LEF1: variants seen among roughly 807,000 people sequenced by gnomAD.
LEF1 encodes the protein lymphoid enhancer binding factor 1.
In LEF1, 14 loss-of-function variants were observed where a neutral mutation model predicts 51.2. That is an observed-to-expected ratio of 0.27 (90% CI 0.18 to 0.43). The LOEUF (loss-of-function observed/expected upper bound fraction) is 0.43, where lower values mean the gene tolerates loss of function less well. LEF1 is among the 20% of genes least tolerant of loss of function. LEF1 has a pLI of 1.00. For missense variants in LEF1, 386 were observed against 512.0 expected, an observed-to-expected ratio of 0.75 and a Z score of 2.37; for synonymous variants, 185 against 183.2, an observed-to-expected ratio of 1.01 and a Z score of -0.08.
intron 8 of LEF1, among the ~76,000 whole-genome samples, chr4:108,076,891 G>C (rs1040586865): frequency 2.0e-5 from 3 of 151,946 alleles, no homozygotes; most frequent in Non-Finnish European, 4.4e-5. Flanking sequence ...GCCAGGTGTG[G>C]TGGTAGGCAA....
intron 11 of LEF1, among the ~76,000 whole-genome samples, chr4:108,056,880 A>C (rs1578286133): frequency 7.2e-6 from 1 of 138,152 alleles, no homozygotes; most frequent in African/African-American, 2.7e-5. Flanking sequence ...AGCACAAGGT[A>C]CCCCCAACTG....
intron 5 of LEF1, 117 bp downstream of exon 5, chr4:108,083,239 G>C (rs1386125636): frequency 1.7e-5 from 13 of 756,132 alleles, no homozygotes; most frequent in Admixed American, 2.0e-5. Context: ...CTTGCTTGTT[G>C]ATGTGAAATT....
chr4:108,110,561 T>C (rs1741465915), intron 3 of LEF1, among the ~76,000 whole-genome samples: 1 of 152,216 alleles, frequency 6.6e-6, no homozygotes, highest in South Asian at 2.1e-4. Context: ...TTTACTCTCC[T>C]AAGAATGGTA....
Position 108,167,849 on chromosome 4 carries a change from GGGA to G in LEF1, c.-85_-83del, listed in dbSNP as rs2110433801. The G allele has an allele frequency of 7.9e-7, 1 of 1,259,122 alleles. No individual in the cohort carries two copies. The highest frequency in any genetic ancestry group is 1.3e-5 in the South Asian group (1 of 76,248). The allele number at this position is 1,259,122 out of a possible 1,614,324, so 78.0% of individuals were successfully genotyped here. On this transcript the variant is annotated 5_prime_UTR_variant, in exon 1 of 12. Coordinates refer to ENST00000265165, the MANE Select transcript of LEF1 (RefSeq NM_016269.5). The surrounding 1 kb of genome is among the most constrained non-coding windows in gnomAD (Gnocchi z 5.7). The stretch of plus-strand genomic sequence containing the variant: ...AGACAGAGGGGTAACTCAAGGGTGG[GGGA>G]GGAAAGGAGAGTTGGAAGGGTTCGT...
intron 3 of LEF1, among the ~76,000 whole-genome samples, chr4:108,103,018 C>T (rs1340331661): frequency 6.6e-6 from 1 of 152,194 alleles, no homozygotes; most frequent in Non-Finnish European, 1.5e-5. Context: ...GAACTCAATC[C>T]TGTTTTCTTT....
intron 3 of LEF1, among the ~76,000 whole-genome samples, chr4:108,145,088 G>A (rs899544456): frequency 6.6e-6 from 1 of 152,160 alleles, no homozygotes; most frequent in Non-Finnish European, 1.5e-5. Context: ...ATCCACTGGG[G>A]TGCAGCAGGA....
At chr4:108,063,137 CT>C (rs1737810311) in intron 11 of LEF1, among the ~76,000 whole-genome samples, 1 of 152,102 alleles carries the variant, frequency 6.6e-6, no homozygotes, top group South Asian at 2.1e-4. Context: ...GCATATATAG[CT>C]TTCTGACTAG....
intron 3 of LEF1, among the ~76,000 whole-genome samples, chr4:108,150,467 T>C (rs193145703): frequency 8.6e-4 from 131 of 152,278 alleles, no homozygotes; most frequent in African/African-American, 2.9e-3. Context: ...AAGAATACAT[T>C]GAGCAATCAC....
At chr4:108,082,975 G>A (rs987399333) in intron 5 of LEF1, among the ~76,000 whole-genome samples, 1 of 152,158 alleles carries the variant, frequency 6.6e-6, no homozygotes, top group Non-Finnish European at 1.5e-5. Context: ...AGTAAAGGTA[G>A]ATATTCAATG....
In LEF1 at chr4:108,168,394, C is replaced by A. The variant is rs1339946767; in HGVS notation, c.-627G>T. 2.0e-5 allele frequency: 3 copies of A among 152,334 alleles called. No homozygotes were observed. The highest frequency in any genetic ancestry group is 7.2e-5 in the African/African-American group (3 of 41,460). 9.4% of individuals were successfully genotyped at this position (152,334 alleles called of 1,614,324 possible). ...AAAAAGAAAAAGAAAAAGGAGCCAC[C>A]CACGCTGGAGATGTCCGTTTTAGAT... On this transcript the variant is annotated 5_prime_UTR_variant, in exon 1 of 12. Transcript: ENST00000265165. The surrounding 1 kb of genome is among the most constrained non-coding windows in gnomAD (Gnocchi z 4.6).
intron 3 of LEF1, among the ~76,000 whole-genome samples, chr4:108,097,432 C>A (rs1158205892): frequency 6.6e-6 from 1 of 152,186 alleles, no homozygotes; most frequent in Non-Finnish European, 1.5e-5. Flanking sequence ...TGGTTACCAG[C>A]AGCTTGGAAT....
intron 8 of LEF1, among the ~76,000 whole-genome samples, chr4:108,077,575 C>T (rs13142799): frequency 7.1e-5 from 3 of 42,288 alleles, no homozygotes; most frequent in Admixed American, 2.3e-4. Flanking sequence ...GCTGCCGCCC[C>T]GTCTGGGAAG....
At chr4:108,059,039 G>A (rs538389608) in intron 11 of LEF1, among the ~76,000 whole-genome samples, 12 of 152,304 alleles carry the variant, frequency 7.9e-5, no homozygotes, top group African/African-American at 2.9e-4. Context: ...TCTCCAACCT[G>A]GAGGAATGGC....
chr4:108,108,037 A>T (rs1312365503), intron 3 of LEF1, among the ~76,000 whole-genome samples: 2 of 152,188 alleles, frequency 1.3e-5, no homozygotes, highest in Non-Finnish European at 2.9e-5. Context: ...GGACAGGGAA[A>T]AGCAAAGCAA....
chr4:108,065,112 T>C (rs1737979964), intron 9 of LEF1, among the ~76,000 whole-genome samples: 1 of 152,218 alleles, frequency 6.6e-6, no homozygotes, highest in Non-Finnish European at 1.5e-5. Context: ...TTTCAAAACA[T>C]CTCAATGCCA....
intron 3 of LEF1, among the ~76,000 whole-genome samples, chr4:108,137,656 A>G (rs756721279): frequency 2.0e-5 from 3 of 152,192 alleles, no homozygotes; most frequent in Non-Finnish European, 4.4e-5. Flanking sequence ...ATAATAATCT[A>G]TTAACTTGAA....
intron 3 of LEF1, among the ~76,000 whole-genome samples, chr4:108,111,405 C>A (rs1462103515): frequency 1.3e-5 from 2 of 152,186 alleles, no homozygotes; most frequent in East Asian, 1.9e-4. Flanking sequence ...GACTAAGTCA[C>A]CTTCCAGCAA....
intron 4 of LEF1, among the ~76,000 whole-genome samples, chr4:108,088,920 G>A (rs556258803): frequency 5.3e-5 from 8 of 152,208 alleles, no homozygotes; most frequent in African/African-American, 1.9e-4. Flanking sequence ...CTTTTCTTCT[G>A]CTTTTTAATA....
At chr4:108,095,550 G>C (rs1740323015) in intron 3 of LEF1, among the ~76,000 whole-genome samples, 1 of 152,132 alleles carries the variant, frequency 6.6e-6, no homozygotes, top group African/African-American at 2.4e-5. Context: ...AATGTGGCCT[G>C]CTGTGGCCTC....
Sources: allele counts gnomAD v4.1 joint callset (sites outside exome capture counted in the v4.1 genomes callset), GRCh38; gene constraint gnomAD v4.1.1; non-coding constraint Gnocchi (gnomAD v3.1); transcripts MANE v1.5; gene names NCBI Gene and HGNC (gene_info 2026-07-23, HGNC 2026-07-21).